Variants in ATP2A3 observed in about 807,000 individuals in gnomAD.
ATP2A3 encodes the protein ATPase sarcoplasmic/endoplasmic reticulum Ca2+ transporting 3.
In ATP2A3, 61 loss-of-function variants were observed where a neutral mutation model predicts 106.8. That is an observed-to-expected ratio of 0.57 (90% CI 0.46 to 0.71). The LOEUF is 0.71. Among genes scored for constraint, ATP2A3 ranks in the 30% least tolerant of loss-of-function variants. The pLI, the probability that ATP2A3 is intolerant of heterozygous loss-of-function variation, is 0.00. For synonymous variants in ATP2A3, 611 were observed against 609.3 expected (o/e 1.00, Z -0.04); for missense variants, 1,201 against 1,423.5 (o/e 0.84, Z 2.52).
rs111586874 is a variant in ATP2A3, at chr17:3,934,522, CT to C, written c.2610+669del. Reference sequence around the variant, plus strand: ...CACCATGCCCAGCCTCCCCTCGATTCTTTTTTTTTTTTTTTTCTTGAGATGG... The same window carrying C: ...CACCATGCCCAGCCTCCCCTCGATTCTTTTTTTTTTTTTTTCTTGAGATGG... On this transcript the variant is annotated intron_variant, in intron 17 of 20. Coordinates refer to ENST00000397041, the MANE Select transcript of ATP2A3 (RefSeq NM_005173.4). Among the ~76,000 whole-genome samples, 483 of 123,356 alleles carry C rather than the reference CT, an allele frequency of 3.9e-3. 3 individuals are homozygous for C. The highest frequency in any genetic ancestry group is 0.012 in the African/African-American group (377 of 31,406). 80.9% of individuals were successfully genotyped at this position (123,356 alleles called of 152,430 possible).
chr17:3,928,257 C>T lies in ATP2A3; in HGVS notation c.2980+406G>A. ...AGGCCAACCCGGTGTGGTCTGGGGT[C>T]CAAGAGGTGGTCAGCGGCTGCCTAC... On this transcript the variant is annotated intron_variant, in intron 20 of 20. Transcript: ENST00000397041. The surrounding 1 kb of genome is among the most constrained non-coding windows in gnomAD (Gnocchi z 6.1). The T allele has an allele frequency of 6.2e-7, 1 of 1,613,582 alleles. No individual in the cohort carries two copies. The highest frequency in any genetic ancestry group is 8.5e-7 in the Non-Finnish European group (1 of 1,180,036).
At chr17:3,944,896 C>A in intron 9 of ATP2A3, 90 bp from the exon 10 acceptor site, 1 of 1,303,606 alleles carries the variant, frequency 7.7e-7, no homozygotes. Context: ...GGGGGCTCCG[C>A]CTCTTGGCCC....
Position 3,929,360 on chromosome 17 carries a change from G to A in ATP2A3, c.2830C>T (p.His944Tyr), listed in dbSNP as rs1394190585. The change falls in exon 19 of 21, where the codon CAC (histidine) becomes TAC (tyrosine). Residue 944 changes from histidine to tyrosine, a missense_variant. His to Tyr is a moderately conservative substitution (Grantham distance 83). Coordinates refer to ENST00000397041, the MANE Select transcript of ATP2A3 (RefSeq NM_005173.4). This position sits in a 1 kb window ranked among gnomAD's most constrained non-coding sequence, Gnocchi z 4.3. ...GGCGGCACGAGCAGGATGAGGAAGTGCAGGGCCATGGACATGGCCACAGCC... is the reference window on the plus strand; with the variant it reads ...GGCGGCACGAGCAGGATGAGGAAGTACAGGGCCATGGACATGGCCACAGCC... ...LVAVAMSMAL[H>Y]FLILLVPPLP... 1.3e-6 allele frequency: 2 copies of A among 1,561,032 alleles called. No individual in the cohort carries two copies. Among genetic ancestry groups the A allele is most frequent in the East Asian group, 2.4e-5 (1 of 41,564 alleles).
In ATP2A3 at chr17:3,941,202, C is replaced by T; in HGVS notation, c.1869G>A (p.Met623Ile). 1.9e-6 allele frequency: 3 copies of T among 1,614,162 alleles called. No individual in the cohort carries two copies. Among genetic ancestry groups the T allele is most frequent in the East Asian group, 2.2e-5 (1 of 44,884 alleles). ...RCYQAGIRVV[M>I]ITGDNKGTAV... ...CAGTGCCTTTGTTATCCCCCGTGAT[C>T]ATGACCACGCGGATGCCCGCCTGGT... Residue 623 changes from methionine to isoleucine, a missense_variant, in exon 14 of 21, where the codon ATG becomes ATA. By Grantham distance (10) the Met-to-Ile change is conservative (BLOSUM62 1). Transcript: ENST00000397041.
chr17:3,932,721 T>C (rs1299635669), intron 17 of ATP2A3, among the ~76,000 whole-genome samples: 1 of 151,876 alleles, frequency 6.6e-6, no homozygotes, highest in Non-Finnish European at 1.5e-5. Context: ...ATTATAGGCG[T>C]GAGCAGCCAC....
At chr17:3,962,803 G>C (rs1453249092) in intron 1 of ATP2A3, among the ~76,000 whole-genome samples, 4 of 152,174 alleles carry the variant, frequency 2.6e-5, no homozygotes, top group African/African-American at 7.2e-5. Context: ...TTTCCCTCAG[G>C]AATCAGGATT....
chr17:3,945,263 G>C (rs1044712306), intron 8 of ATP2A3, 115 bp from the exon 9 acceptor site: 1 of 973,592 alleles, frequency 1.0e-6, no homozygotes, highest in Non-Finnish European at 1.5e-6. Flanking sequence ...GGGCCAAACC[G>C]GCCTGGCCGT....
intron 17 of ATP2A3, chr17:3,934,948 G>GT: frequency 3.7e-6 from 2 of 545,596 alleles, no homozygotes; most frequent in Non-Finnish European, 6.6e-6. Flanking sequence ...ATCTGGCAGT[G>GT]AGGCCTCTTG....
In ATP2A3 at chr17:3,955,869, CTTATT is replaced by C. The variant is rs764100735; in HGVS notation, c.119-2164_119-2160del. ...GCTGGTCTCTCAAGTTCTCCTTTCTCTTATTTTATTTTATTTTATTTTTTTTTTTT... is the reference window on the plus strand; with the variant it reads ...GCTGGTCTCTCAAGTTCTCCTTTCTCTTATTTTATTTTATTTTTTTTTTTT... On this transcript the variant is annotated intron_variant, in intron 1 of 20. Transcript: ENST00000397041. The surrounding 1 kb of genome is among the most constrained non-coding windows in gnomAD (Gnocchi z 4.2). Among the ~76,000 whole-genome samples the C allele has an allele frequency of 1.1e-3, 172 of 151,186 alleles. No homozygotes were observed. The highest frequency in any genetic ancestry group is 3.3e-3 in the African/African-American group (134 of 41,196).
intron 1 of ATP2A3, among the ~76,000 whole-genome samples, chr17:3,956,876 G>A (rs546616972): frequency 3.9e-5 from 6 of 152,342 alleles, no homozygotes; most frequent in Admixed American, 1.3e-4. Context: ...CTGACCTGCC[G>A]CTGAGCACAG....
At chr17:3,951,559 T>TGCCCCCC in intron 4 of ATP2A3, 22 bp downstream of exon 4, 2 of 596,260 alleles carry the variant, frequency 3.4e-6, no homozygotes, top group Non-Finnish European at 4.9e-6. Context: ...CCCCGCCCGG[T>TGCCCCCC]CCCACCCCCA....
chr17:3,927,939 C>T (rs758291110), intron 20 of ATP2A3: 8 of 1,611,350 alleles, frequency 5.0e-6, no homozygotes, highest in Admixed American at 3.3e-5. Flanking sequence ...TCCAGCCATA[C>T]GGCCACCGCC....
chr17:3,924,513 C>A lies in ATP2A3; in HGVS notation c.*909G>T. On this transcript the variant is annotated 3_prime_UTR_variant, in exon 21 of 21. Coordinates refer to ENST00000397041, the MANE Select transcript of ATP2A3 (RefSeq NM_005173.4). The surrounding 1 kb of genome is among the most constrained non-coding windows in gnomAD (Gnocchi z 6.4). ...AGCTGTGCAGACAGCGCGGCGGCCG[C>A]ACACTGGGCTGGGTAGAAGGGCGCC... 1 of 321,212 alleles carries A rather than the reference C, an allele frequency of 3.1e-6. No individual in the cohort carries two copies. The highest frequency in any genetic ancestry group is 2.4e-5 in the South Asian group (1 of 42,126). The allele number at this position is 321,212 out of a possible 1,614,324, so 19.9% of individuals were successfully genotyped here.
Position 3,926,127 on chromosome 17 carries a change from A to T in ATP2A3, c.2981-686T>A, listed in dbSNP as rs2052696006. On this transcript the variant is annotated intron_variant, in intron 20 of 20. Transcript: ENST00000397041. The surrounding 1 kb of genome is among the most constrained non-coding windows in gnomAD (Gnocchi z 4.6). Reference sequence around the variant, plus strand: ...GGTGAGAGGACCGCCCCCAGCCCCCAGGGCTGACCCAGGATCCAGAATTCT... The same window carrying T: ...GGTGAGAGGACCGCCCCCAGCCCCCTGGGCTGACCCAGGATCCAGAATTCT... 6.6e-6 allele frequency among the ~76,000 whole-genome samples: 1 copy of T among 152,116 alleles called. No homozygotes were observed. The highest frequency in any genetic ancestry group is 2.1e-4 in the South Asian group (1 of 4,826).
rs2054166766 is a variant in ATP2A3, at chr17:3,947,315, A to G, written c.1095+76T>C. On this transcript the variant is annotated intron_variant, in intron 8 of 20. Coordinates refer to ENST00000397041, the MANE Select transcript of ATP2A3 (RefSeq NM_005173.4). This position sits in a 1 kb window ranked among gnomAD's most constrained non-coding sequence, Gnocchi z 7.7. ...TCTCCTCCATCCCTCACTGAAAAGGAGGTGGGGGAGAGACCCAGAGAGGGA... is the reference window on the plus strand; with the variant it reads ...TCTCCTCCATCCCTCACTGAAAAGGGGGTGGGGGAGAGACCCAGAGAGGGA... 1 of 1,524,284 alleles carries G rather than the reference A, an allele frequency of 6.6e-7. No individual in the cohort carries two copies. The highest frequency in any genetic ancestry group is 9.1e-7 in the Non-Finnish European group (1 of 1,104,064). The allele number at this position is 1,524,284 out of a possible 1,614,324, so 94.4% of individuals were successfully genotyped here. A position where few individuals can be genotyped will look rare whatever the true frequency, so the allele number is the denominator to read the frequency against.
intron 9 of ATP2A3, 65 bp from the exon 10 acceptor site, chr17:3,944,871 G>A (rs1317714727): frequency 1.2e-5 from 11 of 911,560 alleles, no homozygotes; most frequent in South Asian, 7.8e-5. Context: ...CCGCCTCTTG[G>A]CCCCGCCCCT....
At position 3,940,985 on chromosome 17, in the gene ATP2A3, C is replaced by T. The variant is rs1567695323; in HGVS notation, c.2086G>A (p.Glu696Lys). 2.5e-6 allele frequency: 4 copies of T among 1,613,848 alleles called. No individual in the cohort carries two copies. The highest frequency in any genetic ancestry group is 2.7e-5 in the African/African-American group (2 of 74,918). Residue 696 changes from glutamate (E) to lysine (K), a missense_variant, in exon 14 of 21, where the codon GAG becomes AAG. Physicochemically the swap from Glu to Lys is moderately conservative, Grantham distance 56. Transcript: ENST00000397041. ...RIVENLQSFN[E>K]ITAMTGDGVN... Reference sequence around the variant, plus strand: ...TGTGGCCTCACCATAGCAGTGATCTCGTTAAAGGACTGCAGGTTCTCCACG... The same window carrying T: ...TGTGGCCTCACCATAGCAGTGATCTTGTTAAAGGACTGCAGGTTCTCCACG...
intron 14 of ATP2A3, among the ~76,000 whole-genome samples, chr17:3,938,383 G>A (rs8078227): frequency 0.36 from 53,824 of 151,334 alleles, 10,020 homozygotes; most frequent in Middle Eastern, 0.44. Flanking sequence ...GCAGTGAGCC[G>A]AGACTGCACT....
intron 14 of ATP2A3, among the ~76,000 whole-genome samples, chr17:3,940,600 C>G (rs113847530): frequency 6.6e-6 from 1 of 152,100 alleles, no homozygotes; most frequent in Non-Finnish European, 1.5e-5. Context: ...CTCTGCCTCC[C>G]GGATTCAAGT....
Sources: gnomAD v4.1 joint callset for allele counts (sites outside exome capture counted in the v4.1 genomes callset) on GRCh38, gnomAD v4.1.1 for gene constraint, Gnocchi (gnomAD v3.1) non-coding constraint, MANE v1.5 for transcripts, NCBI Gene and HGNC (gene_info 2026-07-23, HGNC 2026-07-21) for gene names.